Variants in RAD9B observed in about 807,000 individuals in gnomAD.
The protein encoded by RAD9B is cell cycle checkpoint control protein RAD9B.
In RAD9B, 41 loss-of-function variants were observed where a neutral mutation model predicts 48.3. That is an observed-to-expected ratio of 0.85 (90% CI 0.66 to 1.10). RAD9B has a LOEUF of 1.10. Among genes scored for constraint, RAD9B ranks in the 50% least tolerant of loss-of-function variants. RAD9B has a pLI of 0.00. For missense variants in RAD9B, 444 were observed against 485.1 expected (o/e 0.92, Z 0.80); for synonymous variants, 160 against 157.9 (o/e 1.01, Z -0.10).
chr12:110,533,525 G>T lies in RAD9B; in HGVS notation c.*2872G>T, dbSNP rs940444309. 1 of 152,134 alleles carries T rather than the reference G, an allele frequency of 6.6e-6. No individual in the cohort carries two copies. The highest frequency in any genetic ancestry group is 6.5e-5 in the Admixed American group (1 of 15,278). 9.4% of individuals were successfully genotyped at this position (152,134 alleles called of 1,614,324 possible). A position where few individuals can be genotyped will look rare whatever the true frequency, so the allele number is the denominator to read the frequency against. The stretch of plus-strand genomic sequence containing the variant: ...TAGTTGAGAAGTTCAATTTTGCAAA[G>T]AATTTAATTTTAAATAAATAGAATC... On this transcript the variant is annotated 3_prime_UTR_variant, in exon 11 of 11. Transcript: ENST00000409300.
chr12:110,521,845 C>T (rs11829328), intron 9 of RAD9B, among the ~76,000 whole-genome samples: 3,722 of 152,104 alleles, frequency 0.024, 128 homozygotes, highest in African/African-American at 0.079. Flanking sequence ...CGTGAGCCAC[C>T]GTGCCCGGCC....
chr12:110,528,077 A>G (rs1343746581), intron 10 of RAD9B, among the ~76,000 whole-genome samples: 2 of 152,218 alleles, frequency 1.3e-5, no homozygotes, highest in Non-Finnish European at 2.9e-5. Context: ...GCAAGCGGCC[A>G]AAGTACCTGG....
chr12:110,517,792 A>T (rs1195197361), intron 6 of RAD9B, among the ~76,000 whole-genome samples: 2 of 151,388 alleles, frequency 1.3e-5, no homozygotes, highest in African/African-American at 4.9e-5. Context: ...ACACACACAA[A>T]TAATTATAAA....
chr12:110,509,415 AT>A (rs2063393798), intron 4 of RAD9B, among the ~76,000 whole-genome samples: 3 of 151,224 alleles, frequency 2.0e-5, no homozygotes, highest in Non-Finnish European at 3.0e-5. Context: ...CACCTGGCTA[AT>A]TTTTTTTTCA....
chr12:110,527,406 G>A (rs1365031987), intron 10 of RAD9B, among the ~76,000 whole-genome samples: 1 of 152,170 alleles, frequency 6.6e-6, no homozygotes, highest in African/African-American at 2.4e-5. Context: ...CATGGGCTTA[G>A]TACATGGACC....
intron 5 of RAD9B, among the ~76,000 whole-genome samples, chr12:110,514,280 A>AT (rs145947737): frequency 0.14 from 21,695 of 152,140 alleles, 2,122 homozygotes; most frequent in African/African-American, 0.28. Flanking sequence ...TAAGAATTTT[A>AT]TTTTATCTTA....
chr12:110,506,424 G>A lies in RAD9B; in HGVS notation c.274-155G>A, dbSNP rs376025265. Among the ~76,000 whole-genome samples the A allele has an allele frequency of 5.6e-4, 81 of 145,412 alleles. 1 individual carries two copies. In the East Asian group the frequency reaches 0.014, roughly 24 times the overall value. On this transcript the variant is annotated intron_variant, in intron 3 of 10. Transcript: ENST00000409300. ...AGGATGGTCTCGATCTCCTGACCTC[G>A]TGATCCGCCCGCCTCGGCCTCCCAA...
At chr12:110,509,209 C>T (rs1189761598) in intron 4 of RAD9B, among the ~76,000 whole-genome samples, 1 of 151,926 alleles carries the variant, frequency 6.6e-6, no homozygotes, top group Non-Finnish European at 1.5e-5. Context: ...ACCTCGTGAT[C>T]TGCCCTCCTT....
chr12:110,518,152 C>T (rs2063666575), intron 6 of RAD9B, among the ~76,000 whole-genome samples: 1 of 151,772 alleles, frequency 6.6e-6, no homozygotes, highest in Admixed American at 6.6e-5. Context: ...GATTGTGCCA[C>T]TGCACTCCAG....
At chr12:110,507,384 TATATATA>T (rs1192234441) in intron 4 of RAD9B, among the ~76,000 whole-genome samples, 12 of 142,994 alleles carry the variant, frequency 8.4e-5, no homozygotes, top group East Asian at 5.9e-4. Context: ...ATATATGTAT[TATATATA>T]ATATATAATA....
At chr12:110,526,362 C>T (rs1263474707) in intron 10 of RAD9B, among the ~76,000 whole-genome samples, 1 of 152,144 alleles carries the variant, frequency 6.6e-6, no homozygotes, top group African/African-American at 2.4e-5. Context: ...CCATATGAGA[C>T]TTACAGGCTG....
In RAD9B at chr12:110,519,845, G is replaced by A. The variant is rs185439583; in HGVS notation, c.819G>A (p.Leu273=). The A allele has an allele frequency of 1.3e-5, 21 of 1,612,350 alleles. No homozygotes were observed. The highest frequency in any genetic ancestry group is 2.2e-5 in the East Asian group (1 of 44,760). The change falls in exon 9 of 11, where the codon TTG becomes TTA. Residue 273 remains leucine (L), a synonymous_variant. Transcript: ENST00000409300. ...DDMLVEANFI[L]ATLADEQSRA... ...TGTTAGTGGAAGCTAACTTTATTTT[G>A]GCCACATTAGCTGATGAACAAAGTA...
Position 110,506,560 on chromosome 12 carries a change from A to G in RAD9B, c.274-19A>G. The G allele has an allele frequency of 9.1e-7, 1 of 1,099,524 alleles. No individual in the cohort carries two copies. Among genetic ancestry groups the G allele is most frequent in the South Asian group, 1.3e-5 (1 of 79,696 alleles). 68.1% of individuals were successfully genotyped at this position (1,099,524 alleles called of 1,614,324 possible). A position where few individuals can be genotyped will look rare whatever the true frequency, so the allele number is the denominator to read the frequency against. ...CAACCATGTTAAGTATGTGCTTAAT[A>G]TGTATATTTCTGTTACAGTCAATTT... On this transcript the variant is annotated intron_variant, in intron 3 of 10. Coordinates refer to ENST00000409300, the MANE Select transcript of RAD9B (RefSeq NM_001286535.2).
intron 6 of RAD9B, among the ~76,000 whole-genome samples, chr12:110,516,278 A>G (rs886731866): frequency 7.3e-5 from 11 of 150,656 alleles, no homozygotes; most frequent in Non-Finnish European, 1.3e-4. Flanking sequence ...TGGTGTCACA[A>G]ATTGCCTAGT....
intron 2 of RAD9B, among the ~76,000 whole-genome samples, chr12:110,504,996 T>G (rs547683835): frequency 1.3e-5 from 2 of 152,068 alleles, no homozygotes; most frequent in Non-Finnish European, 2.9e-5. Context: ...ACAGGCTGGT[T>G]TTTTGAAAAA....
At chr12:110,528,995 T>A (rs1338887039) in intron 10 of RAD9B, among the ~76,000 whole-genome samples, 8 of 152,090 alleles carry the variant, frequency 5.3e-5, no homozygotes, top group African/African-American at 1.4e-4. Context: ...CCCAAAGTGC[T>A]GGGATTACAG....
intron 1 of RAD9B, 107 bp downstream of exon 1, chr12:110,502,490 C>T: frequency 7.6e-7 from 1 of 1,312,994 alleles, no homozygotes; most frequent in East Asian, 2.5e-5. Context: ...TGCGCAATGA[C>T]TGAGGACGCA....
chr12:110,519,219 T>C (rs957160758), intron 8 of RAD9B, among the ~76,000 whole-genome samples: 1 of 152,112 alleles, frequency 6.6e-6, no homozygotes, highest in Non-Finnish European at 1.5e-5. Context: ...TTCTACTGCC[T>C]CAGCCTCCCA....
In RAD9B at chr12:110,531,985, G is replaced by T. The variant is rs531612677; in HGVS notation, c.*1332G>T. On this transcript the variant is annotated 3_prime_UTR_variant, in exon 11 of 11. Coordinates refer to ENST00000409300, the MANE Select transcript of RAD9B (RefSeq NM_001286535.2). ...GTGGATTTGCATGCTTTAGAACTGTGAATAGAGTTCTAACTGAAACCAGAA... is the reference window on the plus strand; with the variant it reads ...GTGGATTTGCATGCTTTAGAACTGTTAATAGAGTTCTAACTGAAACCAGAA... 7.6e-5 allele frequency: 16 copies of T among 211,790 alleles called. No homozygotes were observed. Among genetic ancestry groups the T allele is most frequent in the Non-Finnish European group, 3.7e-5 (4 of 107,426 alleles). 13.1% of individuals were successfully genotyped at this position (211,790 alleles called of 1,614,324 possible).
Sources: gnomAD v4.1 joint callset for allele counts (sites outside exome capture counted in the v4.1 genomes callset) on GRCh38, gnomAD v4.1.1 for gene constraint, MANE v1.5 for transcripts, NCBI Gene and HGNC (gene_info 2026-07-23, HGNC 2026-07-21) for gene names.